ZNF335: variants seen among roughly 807,000 people sequenced by gnomAD.
The protein encoded by ZNF335 is NRC-interacting factor 1.
A neutral mutation model predicts 145.6 loss-of-function variants in ZNF335; 84 were observed. The observed-to-expected ratio is 0.58, with a 90% CI of 0.48 to 0.69. ZNF335 has a LOEUF of 0.69. Ranked by LOEUF, ZNF335 falls within the 30% of genes least tolerant of loss-of-function variation. The pLI is 0.00. For missense variants in ZNF335, 1,865 were observed against 1,809.7 expected, an observed-to-expected ratio of 1.03 and a Z score of -0.55; for synonymous variants, 761 against 717.0, an observed-to-expected ratio of 1.06 and a Z score of -0.98.
At chr20:45,964,264 C>A (rs1017071376) in intron 7 of ZNF335, 2 of 382,532 alleles carry the variant, frequency 5.2e-6, no homozygotes, top group Non-Finnish European at 9.4e-6. Flanking sequence ...GGGTTCCAGG[C>A]ACGGCTCTGT....
rs1278262222 is a variant in ZNF335, at chr20:45,952,232, T to TC, written c.3103dup (p.Glu1035GlyfsTer44). ...CCCAGCGTGGGCCCGCTTGTGACTC[T>TC]CCATCTCAGCTCGGCCAGGGAAGGC... On this transcript the variant is annotated frameshift_variant, in exon 20 of 28. Transcript: ENST00000322927. LOFTEE classifies it high-confidence loss of function. 6.2e-7 allele frequency: 1 copy of TC among 1,613,242 alleles called. No individual in the cohort carries two copies. Among genetic ancestry groups the TC allele is most frequent in the Admixed American group, 1.7e-5 (1 of 60,018 alleles).
chr20:45,965,445 G>A (rs1196012252), intron 7 of ZNF335, among the ~76,000 whole-genome samples, 183 bp downstream of exon 7: 1 of 152,160 alleles, frequency 6.6e-6, no homozygotes, highest in African/African-American at 2.4e-5. Context: ...AGTTTCCTGA[G>A]TCAGGGTTTC....
chr20:45,950,969 T>G (rs1478991404), intron 20 of ZNF335, among the ~76,000 whole-genome samples: 1 of 152,098 alleles, frequency 6.6e-6, no homozygotes, highest in Non-Finnish European at 1.5e-5. Context: ...CTCGGCTCAC[T>G]GCAACCTCCA....
chr20:45,959,189 C>A lies in ZNF335; in HGVS notation c.2253+12G>T. 1 of 1,362,756 alleles carries A rather than the reference C, an allele frequency of 7.3e-7. No individual in the cohort carries two copies. The highest frequency in any genetic ancestry group is 9.6e-7 in the Non-Finnish European group (1 of 1,044,682). 84.4% of individuals were successfully genotyped at this position (1,362,756 alleles called of 1,614,324 possible). On this transcript the variant is annotated intron_variant, in intron 15 of 27. Transcript: ENST00000322927. ...CCTCACTCTGTCATCCTGACCCATG[C>A]CCCGACCTTACCTCAGGAGGTCCTG... is the stretch of plus-strand genomic sequence containing the variant.
rs6104404 is a variant in ZNF335 at position 45,961,203 on chromosome 20, C to A, written c.1647-321G>T. 0.22 allele frequency among the ~76,000 whole-genome samples: 32,975 copies of A among 152,088 alleles called. 4,173 individuals are homozygous for A. The highest frequency in any genetic ancestry group is 0.35 in the African/African-American group (14,443 of 41,472). ...GACCAGCCTGGGCAACATAACAAGA[C>A]ATCGTCTCTACAAAAAAAAATTAGT... On this transcript the variant is annotated intron_variant, in intron 10 of 27. Transcript: ENST00000322927.
chr20:45,969,641 GT>G lies in ZNF335; in HGVS notation c.251del (p.Tyr84SerfsTer16). On this transcript the variant is annotated frameshift_variant, in exon 3 of 28. Coordinates refer to ENST00000322927, the MANE Select transcript of ZNF335 (RefSeq NM_022095.4). LOFTEE classifies it high-confidence loss of function. ...SSSADPLPNS[Y>X]LPDSSSVSHG... is the part of the protein sequence containing the mutation. ...GAGACACAGACGATGAATCAGGGAG[GT>G]AGCTATTAGGCAGGGGGTCTGCGCT... 1 of 1,611,616 alleles carries G rather than the reference GT, an allele frequency of 6.2e-7. No homozygotes were observed. Among genetic ancestry groups the G allele is most frequent in the East Asian group, 2.2e-5 (1 of 44,808 alleles).
chr20:45,962,200 G>T lies in ZNF335; in HGVS notation c.1534-18C>A, dbSNP rs762680413. On this transcript the variant is annotated intron_variant, in intron 9 of 27. Transcript: ENST00000322927. ...ATGTGCTCCTGGGAGACAGACAAAA[G>T]GATGGTGGGCTGGGGCTTGGCCTCC... 1.2e-6 allele frequency: 2 copies of T among 1,607,098 alleles called. No individual in the cohort carries two copies. Among genetic ancestry groups the T allele is most frequent in the Admixed American group, 3.3e-5 (2 of 59,992 alleles).
intron 17 of ZNF335, among the ~76,000 whole-genome samples, chr20:45,955,440 C>T (rs754469707): frequency 6.6e-6 from 1 of 151,022 alleles, no homozygotes; most frequent in Non-Finnish European, 1.5e-5. Context: ...CTGGTGGCCA[C>T]GTATACTGGC....
intron 15 of ZNF335, 31 bp from the exon 16 acceptor site, chr20:45,957,959 A>G: frequency 6.3e-7 from 1 of 1,577,334 alleles, no homozygotes; most frequent in Non-Finnish European, 8.7e-7. Flanking sequence ...CACGCCTGAG[A>G]GGGGCCAGCC....
chr20:45,952,556 G>A (rs764019412), intron 19 of ZNF335, 35 bp from the exon 20 acceptor site: 10 of 1,610,282 alleles, frequency 6.2e-6, no homozygotes, highest in African/African-American at 1.3e-5. Context: ...GTACTGAGAA[G>A]GGGAGGGAGG....
At chr20:45,958,584 C>T (rs913298150) in intron 15 of ZNF335, among the ~76,000 whole-genome samples, 2 of 152,194 alleles carry the variant, frequency 1.3e-5, no homozygotes, top group Non-Finnish European at 2.9e-5. Flanking sequence ...CTGAGGCCAT[C>T]CTCCTCTTCC....
chr20:45,963,902 T>C lies in ZNF335; in HGVS notation c.1191A>G (p.Pro397=). 6.3e-7 allele frequency: 1 copy of C among 1,595,772 alleles called. No individual in the cohort carries two copies. Among genetic ancestry groups the C allele is most frequent in the Admixed American group, 1.7e-5 (1 of 58,488 alleles). Reference sequence around the variant, plus strand: ...CCTTGCCCATGGCCACCAGGTGTCCTGGGCCTGAGGAGCTGGGAGCCTCGG... The same window carrying C: ...CCTTGCCCATGGCCACCAGGTGTCCCGGGCCTGAGGAGCTGGGAGCCTCGG... The part of the protein sequence containing the change: ...QDPEAPSSSG[P]GHLVAMGKVS... The change falls in exon 8 of 28, where the codon CCA becomes CCG. Residue 397 remains proline, a synonymous_variant. Transcript: ENST00000322927.
intron 1 of ZNF335, 172 bp from the exon 2 acceptor site, chr20:45,971,632 G>A: frequency 4.1e-6 from 4 of 985,502 alleles, no homozygotes; most frequent in Non-Finnish European, 4.8e-6. Flanking sequence ...ACTTGACGGA[G>A]AAGCTGTGCT....
At position 45,953,676 on chromosome 20, in the gene ZNF335, C is replaced by T; in HGVS notation, c.2702+13G>A. On this transcript the variant is annotated intron_variant, in intron 18 of 27. Transcript: ENST00000322927. Reference sequence around the variant, plus strand: ...AAAAAGCTGAAAGGGGCCTTGCAGGCAGCAGGTCTCACCTGTAAGGTGTGC... The same window carrying T: ...AAAAAGCTGAAAGGGGCCTTGCAGGTAGCAGGTCTCACCTGTAAGGTGTGC... 6.2e-7 allele frequency: 1 copy of T among 1,611,794 alleles called. No individual in the cohort carries two copies.
In ZNF335 at chr20:45,963,997, C is replaced by T. The variant is rs3746512; in HGVS notation, c.1103-7G>A. 0.17 allele frequency: 259,911 copies of T among 1,514,064 alleles called. 24,245 individuals are homozygous for T. Among genetic ancestry groups the T allele is most frequent in the East Asian group, 0.33 (14,433 of 43,970 alleles). 93.8% of individuals were successfully genotyped at this position (1,514,064 alleles called of 1,614,324 possible). A position where few individuals can be genotyped will look rare whatever the true frequency, so the allele number is the denominator to read the frequency against. ...AGAGGCTCTCCTTCCACACCTGCCACGGACATGCCAGGTCACAAGCCAGCC... is the reference window on the plus strand; with the variant it reads ...AGAGGCTCTCCTTCCACACCTGCCATGGACATGCCAGGTCACAAGCCAGCC... On this transcript the variant is annotated splice_polypyrimidine_tract_variant and splice_region_variant and intron_variant, in intron 7 of 27. Transcript: ENST00000322927.
In ZNF335 at chr20:45,965,739, G is replaced by A. The variant is rs763343857; in HGVS notation, c.991C>T (p.Arg331Ter). Residue 331 changes from arginine to a stop codon, truncating the protein, a stop_gained, in exon 7 of 28, where the codon CGA becomes TGA. Coordinates refer to ENST00000322927, the MANE Select transcript of ZNF335 (RefSeq NM_022095.4). LOFTEE classifies it high-confidence loss of function. ...CGCTGGAGCCGAAGCTGCCGGCCTC[G>A]GGGCTCATCCTCAGCTGGATTATAG... is the stretch of plus-strand genomic sequence containing the variant. ...SDYNPAEDEP[R>*]GRQLRLQRPT... 2.5e-6 allele frequency: 4 copies of A among 1,605,946 alleles called. No individual in the cohort carries two copies. Among genetic ancestry groups the A allele is most frequent in the Admixed American group, 3.4e-5 (2 of 59,532 alleles).
chr20:45,969,686 C>T lies in ZNF335; in HGVS notation c.207G>A (p.Glu69=), dbSNP rs764725331. ...CTGCGCTCGAGCTGCTCTCAGATAC[C>T]TCCTCCTGAGGGGCATGAAACAGGG... The part of the protein sequence containing the change: ...SSDRGSRSQE[E]VSESSSSADP... Residue 69 remains glutamate (E), a synonymous_variant, in exon 3 of 28, where the codon GAG becomes GAA. Coordinates refer to ENST00000322927, the MANE Select transcript of ZNF335 (RefSeq NM_022095.4). The T allele has an allele frequency of 6.2e-7, 1 of 1,611,252 alleles. No individual in the cohort carries two copies. The highest frequency in any genetic ancestry group is 1.1e-5 in the South Asian group (1 of 90,998).
chr20:45,968,348 TCA>T lies in ZNF335; in HGVS notation c.455_456del (p.Val152AspfsTer4). 6.2e-7 allele frequency: 1 copy of T among 1,611,794 alleles called. No homozygotes were observed. Among genetic ancestry groups the T allele is most frequent in the Non-Finnish European group, 8.5e-7 (1 of 1,178,622 alleles). ...GPDLIQNCIT[V>X]TSAEDGGAET... ...TCGGCCCCGCCATCCTCAGCACTGG[TCA>T]CAGTGATGCAGTCTGGGCAGAGATG... On this transcript the variant is annotated frameshift_variant, in exon 4 of 28. Coordinates refer to ENST00000322927, the MANE Select transcript of ZNF335 (RefSeq NM_022095.4). LOFTEE classifies it high-confidence loss of function.
chr20:45,962,013 C>T (rs2083851385), intron 10 of ZNF335, 57 bp downstream of exon 10: 1 of 1,321,224 alleles, frequency 7.6e-7, no homozygotes, highest in Non-Finnish European at 1.1e-6. Flanking sequence ...CCCGGGCCTC[C>T]ACTTCCCCAC....
Sources: allele counts gnomAD v4.1 joint callset (sites outside exome capture counted in the v4.1 genomes callset), GRCh38; gene constraint gnomAD v4.1.1; transcripts MANE v1.5; gene names NCBI Gene and HGNC (gene_info 2026-07-23, HGNC 2026-07-21).